FAM227B: variants seen among roughly 807,000 people sequenced by gnomAD.
FAM227B encodes the protein protein FAM227B.
Under a neutral mutation model 73.8 loss-of-function variants are expected in FAM227B, and 88 were observed. That is an observed-to-expected ratio of 1.19 (90% CI 1.00 to 1.42). The LOEUF (loss-of-function observed/expected upper bound fraction) is 1.42, where lower values mean the gene tolerates loss of function less well. FAM227B is among the 40% of genes most tolerant of loss of function. FAM227B has a pLI of 0.00. For missense variants in FAM227B, 632 were observed against 590.9 expected (o/e 1.07, Z -0.72); for synonymous variants, 210 against 190.5 (o/e 1.10, Z -0.84).
At chr15:49,491,770 A>ATCTAC (rs2057128111) in intron 11 of FAM227B, among the ~76,000 whole-genome samples, 1 of 151,590 alleles carries the variant, frequency 6.6e-6, no homozygotes, top group Non-Finnish European at 1.5e-5. Context: ...ATGTGTATTC[A>ATCTAC]TCTACTTCAG....
At chr15:49,370,393 T>C (rs1433252382) in intron 12 of FAM227B, among the ~76,000 whole-genome samples, 2 of 152,234 alleles carry the variant, frequency 1.3e-5, no homozygotes, top group Non-Finnish European at 2.9e-5. Flanking sequence ...ATTACTTATC[T>C]CTGATTTCTA....
chr15:49,440,657 T>TG (rs1333178656), intron 11 of FAM227B, among the ~76,000 whole-genome samples: 2 of 151,712 alleles, frequency 1.3e-5, no homozygotes, highest in East Asian at 3.9e-4. Flanking sequence ...GCACAGTGCT[T>TG]GGTGCTTTAC....
intron 5 of FAM227B, among the ~76,000 whole-genome samples, chr15:49,581,871 G>A (rs1434119183): frequency 6.6e-6 from 1 of 152,038 alleles, no homozygotes; most frequent in Non-Finnish European, 1.5e-5. Context: ...ACACAATCAA[G>A]TCTGCATAAT....
chr15:49,602,036 T>A (rs1420875321), intron 3 of FAM227B, among the ~76,000 whole-genome samples: 2 of 152,242 alleles, frequency 1.3e-5, no homozygotes, highest in East Asian at 3.8e-4. Flanking sequence ...CTTTATACAT[T>A]CATCAGCTCA....
intron 11 of FAM227B, among the ~76,000 whole-genome samples, chr15:49,392,694 T>C (rs2047296142): frequency 6.6e-6 from 1 of 152,188 alleles, no homozygotes; most frequent in African/African-American, 2.4e-5. Context: ...ACTCAAATCT[T>C]TGAGGATGAT....
At chr15:49,406,756 C>A (rs908171903) in intron 11 of FAM227B, among the ~76,000 whole-genome samples, 2 of 152,146 alleles carry the variant, frequency 1.3e-5, no homozygotes, top group Admixed American at 1.3e-4. Context: ...AAGCAAAACC[C>A]ACCCATACGC....
intron 2 of FAM227B, chr15:49,614,798 T>C: frequency 3.6e-6 from 1 of 278,942 alleles, no homozygotes; most frequent in Non-Finnish European, 7.0e-6. Context: ...AACTCCTCCT[T>C]CTTACCACCA....
intron 13 of FAM227B, among the ~76,000 whole-genome samples, chr15:49,357,882 A>T (rs554388302): frequency 6.6e-6 from 1 of 152,014 alleles, no homozygotes; most frequent in African/African-American, 2.4e-5. Context: ...CAAAAAGCTT[A>T]TCCACCATGA....
chr15:49,585,771 A>G (rs1172139675), intron 5 of FAM227B, among the ~76,000 whole-genome samples: 1 of 152,220 alleles, frequency 6.6e-6, no homozygotes, highest in Non-Finnish European at 1.5e-5. Flanking sequence ...GCAACACACC[A>G]ACATGGCACA....
intron 10 of FAM227B, among the ~76,000 whole-genome samples, chr15:49,519,880 G>C (rs185605485): frequency 6.6e-6 from 1 of 152,102 alleles, no homozygotes; most frequent in Non-Finnish European, 1.5e-5. Context: ...TTTCTTTTCC[G>C]TCGCATTATT....
chr15:49,375,840 C>A (rs1490940097), intron 11 of FAM227B, among the ~76,000 whole-genome samples: 2 of 152,046 alleles, frequency 1.3e-5, no homozygotes, highest in Non-Finnish European at 2.9e-5. Context: ...ATGTGGAGTA[C>A]AAACTATGCT....
intron 1 of FAM227B, among the ~76,000 whole-genome samples, chr15:49,619,275 G>T (rs2078501104): frequency 6.6e-6 from 1 of 152,154 alleles, no homozygotes; most frequent in South Asian, 2.1e-4. Flanking sequence ...CCAATCCTTT[G>T]AGAAGAGGGA....
At chr15:49,578,786 A>G (rs1005574806) in intron 5 of FAM227B, among the ~76,000 whole-genome samples, 2 of 152,220 alleles carry the variant, frequency 1.3e-5, no homozygotes, top group South Asian at 4.1e-4. Context: ...ATAGATCAAT[A>G]AAGATGGGGT....
chr15:49,614,628 T>A (rs2078170202), intron 2 of FAM227B, among the ~76,000 whole-genome samples: 1 of 152,152 alleles, frequency 6.6e-6, no homozygotes, highest in South Asian at 2.1e-4. Context: ...GTTACATTGG[T>A]CTTATCTGAG....
rs540328403 is a variant in FAM227B, at chr15:49,520,265, T to C, written c.875-11917A>G. ...CAGTTAAAGCCATTCAACAAATCTC[T>C]AGGAAGTTCCAAACTTTCCCACATC... is the stretch of plus-strand genomic sequence containing the variant. On this transcript the variant is annotated intron_variant, in intron 10 of 15. Coordinates refer to ENST00000299338, the MANE Select transcript of FAM227B (RefSeq NM_152647.3). 8.7e-4 allele frequency among the ~76,000 whole-genome samples: 133 copies of C among 152,318 alleles called. 5 individuals are homozygous for C. The South Asian group carries it at 0.026, about 30-fold the overall frequency.
intron 3 of FAM227B, among the ~76,000 whole-genome samples, chr15:49,605,334 G>A (rs1011450724): frequency 1.3e-5 from 2 of 152,182 alleles, no homozygotes; most frequent in African/African-American, 4.8e-5. Context: ...TTATGGGGTT[G>A]GGCCTCTGGG....
intron 14 of FAM227B, among the ~76,000 whole-genome samples, chr15:49,333,591 A>AGAT (rs2039199053): frequency 6.6e-6 from 1 of 152,202 alleles, no homozygotes; most frequent in Non-Finnish European, 1.5e-5. Context: ...GTGAAAAGTG[A>AGAT]GATAAGATCC....
At chr15:49,535,821 C>G (rs1436898507) in intron 10 of FAM227B, among the ~76,000 whole-genome samples, 2 of 151,696 alleles carry the variant, frequency 1.3e-5, no homozygotes, top group Non-Finnish European at 1.5e-5. Flanking sequence ...GCCTCATGAT[C>G]ATATTAATTG....
chr15:49,328,949 T>C (rs2151121315), intron 15 of FAM227B: 1 of 1,110,506 alleles, frequency 9.0e-7, no homozygotes, highest in Non-Finnish European at 1.1e-6. Flanking sequence ...TCTATTCACA[T>C]TGAAATAAAG....
Sources: gnomAD v4.1 joint callset for allele counts (sites outside exome capture counted in the v4.1 genomes callset) on GRCh38, gnomAD v4.1.1 for gene constraint, MANE v1.5 for transcripts, NCBI Gene and HGNC (gene_info 2026-07-23, HGNC 2026-07-21) for gene names.